The following UST variants were observed in gnomAD, a reference collection of about 807,000 sequenced individuals.
The protein encoded by UST is chondroitin sulfate 2-O-sulfotransferase.
In UST, 21 loss-of-function variants were observed where a neutral mutation model predicts 45.6. The observed-to-expected ratio is 0.46, with a 90% CI of 0.33 to 0.66. UST has a LOEUF of 0.66. UST is among the 30% of genes least tolerant of loss of function. UST has a pLI of 0.02. For synonymous variants in UST, 215 were observed against 200.6 expected (o/e 1.07, Z -0.61); for missense variants, 463 against 512.4 (o/e 0.90, Z 0.93).
chr6:148,977,526 C>T (rs542232772), intron 5 of UST, among the ~76,000 whole-genome samples: 44 of 151,904 alleles, frequency 2.9e-4, no homozygotes, highest in Non-Finnish European at 4.3e-4. Flanking sequence ...CCAGGGCGGG[C>T]GGATCATGAG....
intron 1 of UST, among the ~76,000 whole-genome samples, chr6:148,779,004 T>C (rs1486830805): frequency 6.6e-6 from 1 of 152,112 alleles, no homozygotes; most frequent in East Asian, 1.9e-4. Flanking sequence ...GAGCCCACCC[T>C]CCTGGGCTGC....
chr6:149,007,042 T>C (rs997452974), intron 5 of UST, among the ~76,000 whole-genome samples: 8 of 151,972 alleles, frequency 5.3e-5, no homozygotes, highest in Admixed American at 6.6e-5. Context: ...CACAAAATCA[T>C]GGCTAACTTC....
At chr6:149,012,763 T>A (rs748408767) in intron 5 of UST, among the ~76,000 whole-genome samples, 6 of 151,420 alleles carry the variant, frequency 4.0e-5, no homozygotes, top group Non-Finnish European at 8.8e-5. Context: ...TGTATTTTTC[T>A]TCCTCTCTGT....
intron 1 of UST, among the ~76,000 whole-genome samples, chr6:148,805,457 C>T (rs1408722418): frequency 6.6e-6 from 1 of 152,088 alleles, no homozygotes; most frequent in African/African-American, 2.4e-5. Flanking sequence ...TTTTGTTCTT[C>T]TTCTAAAAGG....
At chr6:148,851,322 T>G (rs1778100560) in intron 1 of UST, among the ~76,000 whole-genome samples, 1 of 152,148 alleles carries the variant, frequency 6.6e-6, no homozygotes, top group Non-Finnish European at 1.5e-5. Context: ...TAGTTTTTAC[T>G]GATGATAAAA....
intron 5 of UST, among the ~76,000 whole-genome samples, chr6:149,017,105 C>T (rs2115017466): frequency 6.6e-6 from 1 of 152,362 alleles, no homozygotes; most frequent in Non-Finnish European, 1.5e-5. Flanking sequence ...CAGCCGGGCA[C>T]AGTGGCTCAC....
chr6:148,827,279 C>T (rs6936460), intron 1 of UST, among the ~76,000 whole-genome samples: 2,078 of 152,152 alleles, frequency 0.014, 46 homozygotes, highest in African/African-American at 0.047. Context: ...TTTAAAATTA[C>T]GTGAGATTTG....
In UST at chr6:149,061,018, C is replaced by T. The variant is rs116526771; in HGVS notation, c.938-12815C>T. Among the ~76,000 whole-genome samples the T allele has an allele frequency of 4.0e-3, 605 of 152,148 alleles. 1 individual carries two copies. Among genetic ancestry groups the T allele is most frequent in the African/African-American group, 0.014 (585 of 41,500 alleles). ...GTTAAGGGAAGAGGGCTCTGGTCAG[C>T]GCGGAGTGTGCATACACTCGGATCA... On this transcript the variant is annotated intron_variant, in intron 7 of 7. Coordinates refer to ENST00000367463, the MANE Select transcript of UST (RefSeq NM_005715.3).
At chr6:148,953,460 G>C (rs191776403) in intron 3 of UST, among the ~76,000 whole-genome samples, 1 of 152,264 alleles carries the variant, frequency 6.6e-6, no homozygotes, top group Non-Finnish European at 1.5e-5. Context: ...TTATACCGCT[G>C]GTCCACTGGG....
intron 7 of UST, among the ~76,000 whole-genome samples, chr6:149,067,053 A>T (rs1006458672): frequency 6.6e-6 from 1 of 152,148 alleles, no homozygotes; most frequent in African/African-American, 2.4e-5. Flanking sequence ...TAAATGTGGC[A>T]ATTTTGAAGA....
chr6:148,765,061 G>A (rs1776296983), intron 1 of UST, among the ~76,000 whole-genome samples: 1 of 152,122 alleles, frequency 6.6e-6, no homozygotes, highest in South Asian at 2.1e-4. Flanking sequence ...GAATTTAGCG[G>A]TATTTCTCTT....
At chr6:148,898,251 AT>A (rs1779174746) in intron 2 of UST, among the ~76,000 whole-genome samples, 1 of 152,196 alleles carries the variant, frequency 6.6e-6, no homozygotes, top group South Asian at 2.1e-4. Context: ...TGATAGGAAA[AT>A]TAATGATGTG....
chr6:148,959,715 C>T (rs149899446), intron 4 of UST, among the ~76,000 whole-genome samples: 4 of 152,304 alleles, frequency 2.6e-5, no homozygotes, highest in African/African-American at 9.6e-5. Flanking sequence ...GGAGCCCTGA[C>T]CCAAATACCC....
At position 149,076,572 on chromosome 6, in the gene UST, C is replaced by T. The variant is rs948887869; in HGVS notation, c.*2456C>T. The T allele has an allele frequency of 1.3e-5, 2 of 152,390 alleles. No individual in the cohort carries two copies. The highest frequency in any genetic ancestry group is 6.6e-5 in the Admixed American group (1 of 15,240). The allele number at this position is 152,390 out of a possible 1,614,324, so 9.4% of individuals were successfully genotyped here. A position where few individuals can be genotyped will look rare whatever the true frequency, so the allele number is the denominator to read the frequency against. On this transcript the variant is annotated 3_prime_UTR_variant, in exon 8 of 8. Transcript: ENST00000367463. ...CCAACACCCTCTAGGTCCTAAAAGTCAAGGTACTTCAGTTTATTTGGCAAA... is the reference window on the plus strand; with the variant it reads ...CCAACACCCTCTAGGTCCTAAAAGTTAAGGTACTTCAGTTTATTTGGCAAA...
chr6:148,826,754 T>C (rs1371842549), intron 1 of UST, among the ~76,000 whole-genome samples: 1 of 152,150 alleles, frequency 6.6e-6, no homozygotes, highest in African/African-American at 2.4e-5. Flanking sequence ...TTTCTGGAAG[T>C]TCTAGGGCAG....
At chr6:148,904,744 G>A (rs987298569) in intron 2 of UST, among the ~76,000 whole-genome samples, 1 of 152,066 alleles carries the variant, frequency 6.6e-6, no homozygotes, top group Admixed American at 6.5e-5. Flanking sequence ...GGCTGGTCTC[G>A]AACCCCTGAC....
At chr6:148,775,147 C>T (rs138627894) in intron 1 of UST, among the ~76,000 whole-genome samples, 294 of 152,314 alleles carry the variant, frequency 1.9e-3, no homozygotes, top group Non-Finnish European at 3.1e-3. Flanking sequence ...CTATCCTCTC[C>T]GTCCCTCCTA....
At chr6:148,781,247 G>C (rs542151588) in intron 1 of UST, among the ~76,000 whole-genome samples, 104 of 152,342 alleles carry the variant, frequency 6.8e-4, no homozygotes, top group African/African-American at 2.5e-3. Context: ...TGAAGGGAAT[G>C]AGAAGTGCTA....
chr6:148,768,568 T>G (rs1184055779), intron 1 of UST, among the ~76,000 whole-genome samples: 1 of 152,206 alleles, frequency 6.6e-6, no homozygotes, highest in African/African-American at 2.4e-5. Context: ...TTCTTCTCAT[T>G]CTATTGTTAT....
Sources: allele counts gnomAD v4.1 joint callset (sites outside exome capture counted in the v4.1 genomes callset), GRCh38; gene constraint gnomAD v4.1.1; transcripts MANE v1.5; gene names NCBI Gene and HGNC (gene_info 2026-07-23, HGNC 2026-07-21).